The following BCCIP variants were observed in gnomAD, a reference collection of about 807,000 sequenced individuals.
The protein encoded by BCCIP is BRCA2 and CDKN1A interacting protein, also known as BRCA2 and CDKN1A-interacting protein.
In BCCIP, 23 loss-of-function variants were observed where a neutral mutation model predicts 32.8. That is an observed-to-expected ratio of 0.70 (90% CI 0.51 to 0.99). The LOEUF (loss-of-function observed/expected upper bound fraction) is 0.99, where lower values mean the gene tolerates loss of function less well. Among genes scored for constraint, BCCIP ranks in the 50% least tolerant of loss-of-function variants. BCCIP has a pLI of 0.00. For synonymous variants in BCCIP, 144 were observed against 137.6 expected (o/e 1.05, Z -0.33); for missense variants, 378 against 379.8 (o/e 1.00, Z 0.04).
At chr10:125,836,605 CG>C (rs1343839684), downstream of BCCIP, 17 of 1,504,740 alleles carry the variant, frequency 1.1e-5, no homozygotes, top group Non-Finnish European at 1.5e-5. Flanking sequence ...AATCCGTCTT[CG>C]CGTCATGTAT....
downstream of BCCIP, among the ~76,000 whole-genome samples, chr10:125,843,604 T>TC (rs1300165899): frequency 6.6e-6 from 1 of 150,732 alleles, no homozygotes; most frequent in Non-Finnish European, 1.5e-5. Context: ...AGAGCGAGAC[T>TC]CCGTCTCAAA....
chr10:125,835,000 GCA>G (rs1854626038), intron 6 of BCCIP, among the ~76,000 whole-genome samples: 3 of 151,740 alleles, frequency 2.0e-5, no homozygotes, highest in African/African-American at 7.3e-5. Flanking sequence ...GGGCGTGGTG[GCA>G]CGTGCCTGTA....
chr10:125,836,619 C>T, downstream of BCCIP: 1 of 1,562,828 alleles, frequency 6.4e-7, no homozygotes, highest in Non-Finnish European at 8.7e-7. Flanking sequence ...TCATGTATCT[C>T]CCATATCCAG....
chr10:125,826,647 T>C lies in BCCIP; in HGVS notation c.222T>C (p.Ile74=). The C allele has an allele frequency of 1.2e-6, 2 of 1,613,642 alleles. No homozygotes were observed. Among genetic ancestry groups the C allele is most frequent in the Non-Finnish European group, 1.7e-6 (2 of 1,179,802 alleles). ...TATCAGATAATGATTATGACGGAAT[T>C]AAGAAATTACTGCAGCAGGTATTGT... ...YSLSDNDYDG[I]KKLLQQLFLK... The change falls in exon 2 of 7, where the codon ATT becomes ATC. Residue 74 remains isoleucine (I), a synonymous_variant. Transcript: ENST00000278100.
At chr10:125,841,129 T>C, downstream of BCCIP, 1 of 1,367,318 alleles carries the variant, frequency 7.3e-7, no homozygotes, top group East Asian at 2.5e-5. Context: ...TATGTTATTC[T>C]TGTTTACTTA....
At chr10:125,846,289 G>T (rs1286835165), downstream of BCCIP, among the ~76,000 whole-genome samples, 1 of 152,174 alleles carries the variant, frequency 6.6e-6, no homozygotes, top group Non-Finnish European at 1.5e-5. Flanking sequence ...TTAAACAAGA[G>T]TTGGCACTGT....
intron 3 of BCCIP, 70 bp from the exon 4 acceptor site, chr10:125,830,492 C>A: frequency 1.9e-6 from 2 of 1,040,896 alleles, no homozygotes; most frequent in South Asian, 1.9e-5. Flanking sequence ...GGCCTACATC[C>A]CAAGACTTGG....
chr10:125,836,970 T>A, downstream of BCCIP: 3 of 839,344 alleles, frequency 3.6e-6, no homozygotes, highest in Non-Finnish European at 3.7e-6. Flanking sequence ...AACCGGTATT[T>A]AATTTGAACT....
At position 125,831,590 on chromosome 10, in the gene BCCIP, C is replaced by T. The variant is rs770669388; in HGVS notation, c.582C>T (p.Pro194=). 4 of 1,608,662 alleles carry T rather than the reference C, an allele frequency of 2.5e-6. No individual in the cohort carries two copies. The highest frequency in any genetic ancestry group is 8.5e-7 in the Non-Finnish European group (1 of 1,177,708). The change falls in exon 5 of 7, where the codon CCC becomes CCT. Residue 194 remains proline (P), a synonymous_variant. Coordinates refer to ENST00000278100, the MANE Select transcript of BCCIP (RefSeq NM_078468.3). ...ATGTCCCTCCACAGATCGCTCTGCC[C>T]ATGTACCAGCAGCTTCAGTAAGAGA... ...FINVPPQIAL[P]MYQQLQKELA... is the part of the protein sequence containing the mutation.
chr10:125,851,121 G>A (rs1487598007), intron 7 of BCCIP, among the ~76,000 whole-genome samples: 1 of 152,178 alleles, frequency 6.6e-6, no homozygotes, highest in Non-Finnish European at 1.5e-5. Context: ...TTTTCACATG[G>A]TTCATGCATC....
intron 7 of BCCIP, chr10:125,852,761 C>G (rs769250866): frequency 3.8e-5 from 33 of 870,184 alleles, no homozygotes; most frequent in Non-Finnish European, 5.5e-5. Flanking sequence ...GCCACAGACT[C>G]ATTTTCTTTG....
chr10:125,838,856 A>G, downstream of BCCIP: 1 of 966,862 alleles, frequency 1.0e-6, no homozygotes, highest in Non-Finnish European at 1.5e-6. Flanking sequence ...GGGGAAGGAT[A>G]CTTAAGTACC....
chr10:125,841,827 C>G, exon 7 of BCCIP: 2 of 1,613,810 alleles, frequency 1.2e-6, no homozygotes, highest in Non-Finnish European at 1.7e-6. Flanking sequence ...AGTTGTGGAT[C>G]AAGAGGAAAC....
exon 7 of BCCIP, chr10:125,842,166 G>A: frequency 1.8e-6 from 1 of 542,006 alleles, no homozygotes; most frequent in Non-Finnish European, 3.0e-6. Context: ...GGTCCCAGCT[G>A]CAGTGTGCAT....
intron 7 of BCCIP, among the ~76,000 whole-genome samples, chr10:125,850,354 CTTTTTTTT>C (rs765077777): frequency 8.0e-6 from 1 of 124,560 alleles, no homozygotes; most frequent in Non-Finnish European, 1.7e-5. Flanking sequence ...TTCTTTCTTT[CTTTTTTTT>C]TTTTTTTTTT....
At chr10:125,841,618 G>A in exon 7 of BCCIP, 1 of 1,466,828 alleles carries the variant, frequency 6.8e-7, no homozygotes, top group South Asian at 1.4e-5. Flanking sequence ...CATTTCAAAA[G>A]GTTAAATGAG....
chr10:125,838,501 C>T (rs1382026669), downstream of BCCIP: 11 of 974,692 alleles, frequency 1.1e-5, no homozygotes, highest in South Asian at 8.5e-5. Flanking sequence ...TTAAAACTAA[C>T]GTTTGCCACT....
intron 7 of BCCIP, among the ~76,000 whole-genome samples, chr10:125,850,518 C>T (rs1290895229): frequency 6.6e-6 from 1 of 151,934 alleles, no homozygotes. Context: ...CTACCATGCC[C>T]GGCTAATTTT....
At chr10:125,841,200 T>TG, downstream of BCCIP, 1 of 1,544,396 alleles carries the variant, frequency 6.5e-7, no homozygotes, top group Middle Eastern at 1.7e-4. Flanking sequence ...TGTGTGTGTG[T>TG]TTGCTTTTCT....
Sources: gnomAD v4.1 joint callset for allele counts (sites outside exome capture counted in the v4.1 genomes callset) on GRCh38, gnomAD v4.1.1 for gene constraint, MANE v1.5 for transcripts, NCBI Gene and HGNC (gene_info 2026-07-23, HGNC 2026-07-21) for gene names.